WDR5: variants seen among roughly 807,000 people sequenced by gnomAD.
WDR5 encodes WD repeat-containing protein 5.
For synonymous variants in WDR5, 144 were observed against 161.6 expected (o/e 0.89, Z 0.83); for missense variants, 187 against 416.9 (o/e 0.45, Z 4.80).
chr9:134,142,503 G>T (rs577418666), intron 6 of WDR5, 81 bp downstream of exon 6: 2 of 1,568,730 alleles, frequency 1.3e-6, no homozygotes, highest in South Asian at 2.2e-5. Context: ...TAGCCACTGT[G>T]GAGAAGGCAG....
rs1831687548 is a variant in WDR5, at chr9:134,138,310, A to G, written c.-58-1510A>G. Among the ~76,000 whole-genome samples the G allele has an allele frequency of 2.0e-5, 3 of 149,426 alleles. No homozygotes were observed. The South Asian group carries it at 6.4e-4, about 32-fold the overall frequency. On this transcript the variant is annotated intron_variant, in intron 1 of 13. Transcript: ENST00000358625. ...CTCTGGTGTTTCGCTTGGGTAGGGC[A>G]TGGGCACAGTTCACTCAGCTCTGGC... is the stretch of plus-strand genomic sequence containing the variant.
At position 134,157,804 on chromosome 9, in the gene WDR5, T is replaced by A; in HGVS notation, c.905-89T>A. On this transcript the variant is annotated intron_variant, in intron 13 of 13. Coordinates refer to ENST00000358625, the MANE Select transcript of WDR5 (RefSeq NM_017588.3). This position sits in a 1 kb window ranked among gnomAD's most constrained non-coding sequence, Gnocchi z 5.0. ...GGTGGCGGGCAGGCGCTACCCGCGTTTCTGGAGAAAGGTGGAGCTCAGTCT... is the reference window on the plus strand; with the variant it reads ...GGTGGCGGGCAGGCGCTACCCGCGTATCTGGAGAAAGGTGGAGCTCAGTCT... 7.6e-7 allele frequency: 1 copy of A among 1,323,168 alleles called. No homozygotes were observed. The highest frequency in any genetic ancestry group is 1.2e-5 in the South Asian group (1 of 82,600). 82.0% of individuals were successfully genotyped at this position (1,323,168 alleles called of 1,614,324 possible).
chr9:134,146,479 G>A (rs375725233), intron 7 of WDR5, among the ~76,000 whole-genome samples: 2 of 152,120 alleles, frequency 1.3e-5, no homozygotes, highest in African/African-American at 2.4e-5. Context: ...CAAGTGATCC[G>A]CCCACCTTGA....
rs539167753 is a variant in WDR5 at position 134,146,553 on chromosome 9, C to G, written c.529-1735C>G. On this transcript the variant is annotated intron_variant, in intron 7 of 13. Transcript: ENST00000358625. ...GCCCGGCCTCCCTTATCTACCTCCT[C>G]GAAGTTAACTTTTCTGGCAGCCTTC... is the stretch of plus-strand genomic sequence containing the variant. Among the ~76,000 whole-genome samples the G allele has an allele frequency of 1.1e-4, 16 of 152,242 alleles. No individual in the cohort carries two copies. In the East Asian group the frequency reaches 3.1e-3, roughly 30 times the overall value.
rs537806224 is a variant in WDR5 at position 134,157,455 on chromosome 9, G to C, written c.905-438G>C. 4.6e-5 allele frequency among the ~76,000 whole-genome samples: 7 copies of C among 152,234 alleles called. No individual in the cohort carries two copies. In the East Asian group the frequency reaches 1.2e-3, roughly 25 times the overall value. ...GGCTTAGCATTGGGGGGAGGCGGTG[G>C]GAGTGGGCGGCTCAGGGTCCGAGGA... On this transcript the variant is annotated intron_variant, in intron 13 of 13. Coordinates refer to ENST00000358625, the MANE Select transcript of WDR5 (RefSeq NM_017588.3). This position sits in a 1 kb window ranked among gnomAD's most constrained non-coding sequence, Gnocchi z 5.0.
intron 9 of WDR5, 42 bp downstream of exon 9, chr9:134,152,071 C>T (rs1832520101): frequency 3.1e-6 from 5 of 1,605,738 alleles, no homozygotes; most frequent in Non-Finnish European, 3.4e-6. Context: ...GTGGGGAGGG[C>T]CTCCCCTGCT....
intron 7 of WDR5, among the ~76,000 whole-genome samples, chr9:134,147,822 C>T (rs1369522099): frequency 6.6e-6 from 1 of 151,842 alleles, no homozygotes; most frequent in Non-Finnish European, 1.5e-5. Context: ...GAGTTCGAGA[C>T]CAGCCTGGGC....
rs1831838390 is a variant in WDR5 at position 134,140,662 on chromosome 9, T to TA, written c.82-40dup. 4 of 1,549,896 alleles carry TA rather than the reference T, an allele frequency of 2.6e-6. No individual in the cohort carries two copies. The East Asian group carries it at 9.0e-5, about 35-fold the overall frequency. ...ATCCAAACTGGTCACGGGTGGAACGTACAGTGGTGGTGACTTTTTGCTAAC... is the reference window on the plus strand; with the variant it reads ...ATCCAAACTGGTCACGGGTGGAACGTAACAGTGGTGGTGACTTTTTGCTAAC... On this transcript the variant is annotated intron_variant, in intron 2 of 13. Transcript: ENST00000358625.
intron 8 of WDR5, among the ~76,000 whole-genome samples, chr9:134,151,546 G>A (rs1358564688): frequency 1.3e-5 from 2 of 152,210 alleles, no homozygotes. Context: ...TAGTCCAGAA[G>A]ACTGCTTACA....
At chr9:134,155,061 A>G (rs911404721) in intron 10 of WDR5, among the ~76,000 whole-genome samples, 1 of 152,160 alleles carries the variant, frequency 6.6e-6, no homozygotes, top group Non-Finnish European at 1.5e-5. Flanking sequence ...CACCCTTTTG[A>G]GGATGACCCG....
At position 134,142,267 on chromosome 9, in the gene WDR5, A is replaced by G. The variant is rs531641366; in HGVS notation, c.355-66A>G. ...GCTTTGGGATGTCAGACATTGATGA[A>G]TGTGACCTGACTCTTACGTTTGGGG... is the stretch of plus-strand genomic sequence containing the variant. On this transcript the variant is annotated intron_variant, in intron 5 of 13. Coordinates refer to ENST00000358625, the MANE Select transcript of WDR5 (RefSeq NM_017588.3). The G allele has an allele frequency of 5.9e-6, 9 of 1,526,208 alleles. No individual in the cohort carries two copies. In the African/African-American group the frequency reaches 8.2e-5, roughly 14 times the overall value. The allele number at this position is 1,526,208 out of a possible 1,614,324, so 94.5% of individuals were successfully genotyped here.
chr9:134,145,714 C>G (rs1210271264), intron 7 of WDR5, among the ~76,000 whole-genome samples: 1 of 152,204 alleles, frequency 6.6e-6, no homozygotes, highest in African/African-American at 2.4e-5. Context: ...AGGGTTTGCC[C>G]TCTCTGGCTA....
intron 7 of WDR5, among the ~76,000 whole-genome samples, chr9:134,145,153 C>T (rs966135469): frequency 7.5e-6 from 1 of 133,008 alleles, no homozygotes; most frequent in Non-Finnish European, 1.5e-5. Context: ...GGCTGGAGTG[C>T]GGTGGTGCGA....
At chr9:134,156,660 C>G in intron 13 of WDR5, 67 bp downstream of exon 13, 1 of 1,534,920 alleles carries the variant, frequency 6.5e-7, no homozygotes, top group Non-Finnish European at 9.0e-7. Flanking sequence ...GCAGGTGAAG[C>G]GTGGTGTGCC....
At chr9:134,145,750 C>T (rs1300049052) in intron 7 of WDR5, among the ~76,000 whole-genome samples, 2 of 152,128 alleles carry the variant, frequency 1.3e-5, no homozygotes, top group Non-Finnish European at 2.9e-5. Flanking sequence ...GGGCCGCTGC[C>T]GACCCCCATC....
At chr9:134,147,630 A>C (rs990894181) in intron 7 of WDR5, among the ~76,000 whole-genome samples, 7 of 152,068 alleles carry the variant, frequency 4.6e-5, no homozygotes, top group Non-Finnish European at 5.9e-5. Flanking sequence ...TCATTAAACC[A>C]CGGCTTCCTT....
In WDR5 at chr9:134,142,831, C is replaced by A; in HGVS notation, c.528+112C>A. ...AAGCCTGGCCATGGCCTGTGCCTAG[C>A]TGATTCCTGCTGTCATGCCACAGTC... On this transcript the variant is annotated intron_variant, in intron 7 of 13. Transcript: ENST00000358625. The A allele has an allele frequency of 1.9e-6, 2 of 1,038,212 alleles. 1 individual carries two copies. Among genetic ancestry groups the A allele is most frequent in the Middle Eastern group, 5.6e-4 (2 of 3,594 alleles). 64.3% of individuals were successfully genotyped at this position (1,038,212 alleles called of 1,614,324 possible). A position where few individuals can be genotyped will look rare whatever the true frequency, so the allele number is the denominator to read the frequency against.
intron 1 of WDR5, among the ~76,000 whole-genome samples, chr9:134,136,981 C>G (rs1378763501): frequency 6.6e-6 from 1 of 152,200 alleles, no homozygotes; most frequent in African/African-American, 2.4e-5. Context: ...GGAGCCTGTC[C>G]AGGATCTCAG....
chr9:134,153,402 A>C (rs1394529113), intron 9 of WDR5, among the ~76,000 whole-genome samples: 1 of 152,110 alleles, frequency 6.6e-6, no homozygotes, highest in African/African-American at 2.4e-5. Context: ...ACCCTTCTGG[A>C]CTTCACTGAG....
Sources: allele counts gnomAD v4.1 joint callset (sites outside exome capture counted in the v4.1 genomes callset), GRCh38; gene constraint gnomAD v4.1.1; non-coding constraint Gnocchi (gnomAD v3.1); transcripts MANE v1.5; gene names NCBI Gene and HGNC (gene_info 2026-07-23, HGNC 2026-07-21).